Variants in NDC1 observed in about 807,000 individuals in gnomAD.
NDC1 encodes nucleoporin NDC1.
NDC1 carries 24 observed loss-of-function variants against 89.8 expected under a neutral mutation model. That is an observed-to-expected ratio of 0.27 (90% CI 0.19 to 0.38). The LOEUF (loss-of-function observed/expected upper bound fraction) is 0.38, where lower values mean the gene tolerates loss of function less well. Ranked by LOEUF, NDC1 falls within the 10% of genes least tolerant of loss-of-function variation. The pLI, the probability that NDC1 is intolerant of heterozygous loss-of-function variation, is 1.00. For synonymous variants in NDC1, 296 were observed against 284.8 expected (o/e 1.04, Z -0.39); for missense variants, 728 against 797.6 (o/e 0.91, Z 1.05).
intron 16 of NDC1, among the ~76,000 whole-genome samples, chr1:53,777,031 A>G (rs1183634451): frequency 6.8e-6 from 1 of 147,320 alleles, no homozygotes; most frequent in Non-Finnish European, 1.5e-5. Flanking sequence ...ATTTTGTTGA[A>G]TTTTTTTTTT....
In NDC1 at chr1:53,798,135, C is replaced by CTTT. The variant is rs1553148461; in HGVS notation, c.1223-994_1223-992dup. On this transcript the variant is annotated intron_variant, in intron 11 of 17. Transcript: ENST00000371429. ...ACACATTGCATTAGGATTCCATCTT[C>CTTT]TTTTTATTATTATTATTATTATTAT... Among the ~76,000 whole-genome samples the CTTT allele has an allele frequency of 1.1e-3, 121 of 106,392 alleles. 1 individual carries two copies. Among genetic ancestry groups the CTTT allele is most frequent in the Middle Eastern group, 4.5e-3 (1 of 222 alleles). The allele number at this position is 106,392 out of a possible 152,430, so 69.8% of individuals were successfully genotyped here.
chr1:53,775,955 CTTT>C (rs1204999638), intron 16 of NDC1, among the ~76,000 whole-genome samples: 3 of 135,626 alleles, frequency 2.2e-5, no homozygotes, highest in African/African-American at 2.7e-5. Flanking sequence ...TCTGAAATTC[CTTT>C]TTTTTTTTTT....
At chr1:53,774,245 T>C (rs1342031796) in intron 16 of NDC1, among the ~76,000 whole-genome samples, 2 of 152,236 alleles carry the variant, frequency 1.3e-5, no homozygotes, top group African/African-American at 4.8e-5. Flanking sequence ...TCACTGAATT[T>C]AGTGTTATTT....
At chr1:53,817,257 C>T (rs1005755310) in intron 6 of NDC1, among the ~76,000 whole-genome samples, 11 of 152,004 alleles carry the variant, frequency 7.2e-5, no homozygotes, top group Non-Finnish European at 1.3e-4. Context: ...CATCAATCAA[C>T]GAGTGGATAA....
chr1:53,835,773 A>G (rs1037634437), intron 1 of NDC1, among the ~76,000 whole-genome samples, 153 bp from the exon 2 acceptor site: 12 of 152,210 alleles, frequency 7.9e-5, no homozygotes, highest in African/African-American at 2.4e-4. Context: ...ACGTACCACT[A>G]AAGAATTTAT....
At chr1:53,800,586 A>C (rs555682517) in intron 11 of NDC1, 107 bp downstream of exon 11, 1 of 1,247,444 alleles carries the variant, frequency 8.0e-7, no homozygotes, top group African/African-American at 1.5e-5. Context: ...CGGCCTCCCA[A>C]AGTGCGGGGA....
intron 13 of NDC1, among the ~76,000 whole-genome samples, chr1:53,795,774 G>C (rs912266047): frequency 1.3e-5 from 2 of 152,116 alleles, no homozygotes; most frequent in Non-Finnish European, 2.9e-5. Context: ...TGCCTACCTT[G>C]CAAGAGTTTA....
chr1:53,780,602 G>A (rs1335802567), intron 16 of NDC1, among the ~76,000 whole-genome samples: 6 of 152,122 alleles, frequency 3.9e-5, no homozygotes, highest in Admixed American at 2.6e-4. Context: ...ATCAAAATTT[G>A]ACCTTCAAGT....
intron 5 of NDC1, among the ~76,000 whole-genome samples, chr1:53,821,400 G>A (rs184869681): frequency 1.6e-3 from 248 of 152,262 alleles, no homozygotes; most frequent in African/African-American, 5.9e-3. Flanking sequence ...CCGAGACTGC[G>A]CCACTGCACT....
At position 53,803,933 on chromosome 1, in the gene NDC1, T is replaced by G. The variant is rs746474863; in HGVS notation, c.1061A>C (p.Gln354Pro). 15 of 1,611,784 alleles carry G rather than the reference T, an allele frequency of 9.3e-6. No homozygotes were observed. The South Asian group carries it at 1.6e-4, about 18-fold the overall frequency. ...SRRQEVFSLS[Q>P]PGGHPHNWTA... ...TCTATTACTTTTAGCAATACCTGGTTGGCTGAGGCTGAAAACTTCTTGTCT... is the reference window on the plus strand; with the variant it reads ...TCTATTACTTTTAGCAATACCTGGTGGGCTGAGGCTGAAAACTTCTTGTCT... Residue 354 changes from glutamine to proline, a missense_variant, in exon 10 of 18, where the codon CAA becomes CCA. Transcript: ENST00000371429.
chr1:53,779,044 G>A (rs1261366633), intron 16 of NDC1, among the ~76,000 whole-genome samples: 2 of 148,948 alleles, frequency 1.3e-5, no homozygotes, highest in African/African-American at 2.5e-5. Context: ...TTGGGAGGCT[G>A]AGGAGGGAGG....
intron 6 of NDC1, among the ~76,000 whole-genome samples, chr1:53,816,647 A>AC (rs199529776): frequency 1.3e-5 from 2 of 148,748 alleles, no homozygotes; most frequent in African/African-American, 5.0e-5. Context: ...ACAAAAAACA[A>AC]AAAAAAAAAA....
Position 53,832,566 on chromosome 1 carries a change from G to A in NDC1, c.204C>T (p.Ser68=). 4 of 1,586,958 alleles carry A rather than the reference G, an allele frequency of 2.5e-6. No individual in the cohort carries two copies. Among genetic ancestry groups the A allele is most frequent in the Non-Finnish European group, 3.5e-6 (4 of 1,155,806 alleles). Residue 68 remains serine, a synonymous_variant, in exon 3 of 18, where the codon TCC becomes TCT. Transcript: ENST00000371429. ...LSDSFSDLYS[S]YVIFYFLLLS... is the part of the protein sequence containing the mutation. ...GCAGCAGGAAGTAAAAGATTACATA[G>A]GAACTATACAGGTCACTGAAAGAAT...
Position 53,772,333 on chromosome 1 carries a change from G to C in NDC1, c.1957C>G (p.Leu653Val). 6.2e-7 allele frequency: 1 copy of C among 1,613,276 alleles called. No individual in the cohort carries two copies. Among genetic ancestry groups the C allele is most frequent in the Non-Finnish European group, 8.5e-7 (1 of 1,179,440 alleles). ...GATCAAAACAGGTAAACTTACTTCA[G>C]ATGTTCACCAAATGTAGTAGTTATT... ...YRITTTFGEH[L>V]NAVQASAEHQ... The change falls in exon 17 of 18, where the codon CTG becomes GTG. Residue 653 changes from leucine to valine, a missense_variant. By Grantham distance (32) the Leu-to-Val change is conservative. Coordinates refer to ENST00000371429, the MANE Select transcript of NDC1 (RefSeq NM_018087.5).
chr1:53,803,583 T>TC lies in NDC1; in HGVS notation c.1066+344dup, dbSNP rs397774496. On this transcript the variant is annotated intron_variant, in intron 10 of 17. Transcript: ENST00000371429. Reference sequence around the variant, plus strand: ...ACTTTAAGTTAATTAATTTTTTTTTTCTTTTTGAGACGGAGTCTCACTCTG... The same window carrying TC: ...ACTTTAAGTTAATTAATTTTTTTTTTCCTTTTTGAGACGGAGTCTCACTCTG... Among the ~76,000 whole-genome samples the TC allele has an allele frequency of 1.3e-3, 195 of 152,280 alleles. 1 individual carries two copies. Among genetic ancestry groups the TC allele is most frequent in the Non-Finnish European group, 1.4e-3 (98 of 68,036 alleles).
At chr1:53,774,807 C>T (rs1647148302) in intron 16 of NDC1, among the ~76,000 whole-genome samples, 1 of 152,056 alleles carries the variant, frequency 6.6e-6, no homozygotes, top group Non-Finnish European at 1.5e-5. Flanking sequence ...GGGAGGATTA[C>T]TTGAGCCCAA....
chr1:53,794,471 T>C (rs949708264), intron 13 of NDC1, among the ~76,000 whole-genome samples: 1 of 152,192 alleles, frequency 6.6e-6, no homozygotes, highest in African/African-American at 2.4e-5. Flanking sequence ...TAATGGCATA[T>C]AGAGCCGTAT....
chr1:53,837,397 A>G (rs1484246096), intron 1 of NDC1, among the ~76,000 whole-genome samples: 1 of 152,154 alleles, frequency 6.6e-6, no homozygotes. Context: ...ACATGGTGAA[A>G]CCCCATCTCT....
At chr1:53,785,332 C>T (rs1167334091) in intron 16 of NDC1, among the ~76,000 whole-genome samples, 1 of 152,116 alleles carries the variant, frequency 6.6e-6, no homozygotes, top group Non-Finnish European at 1.5e-5. Context: ...TCAGATAAAC[C>T]AAATATTCGA....
Sources: allele counts gnomAD v4.1 joint callset (sites outside exome capture counted in the v4.1 genomes callset), GRCh38; gene constraint gnomAD v4.1.1; transcripts MANE v1.5; gene names NCBI Gene and HGNC (gene_info 2026-07-23, HGNC 2026-07-21).